The following FAM234B variants were observed in gnomAD, a reference collection of about 807,000 sequenced individuals.
FAM234B encodes the protein family with sequence similarity 234 member B.
In FAM234B, 33 loss-of-function variants were observed where a neutral mutation model predicts 69.3. That is an observed-to-expected ratio of 0.48 (90% CI 0.36 to 0.64). FAM234B has a LOEUF of 0.64. Among genes scored for constraint, FAM234B ranks in the 30% least tolerant of loss-of-function variants. The probability of loss-of-function intolerance (pLI) is 0.00; values close to 1 mark genes in which losing one functional copy is unlikely to be tolerated. For synonymous variants in FAM234B, 306 were observed against 306.9 expected (o/e 1.00, Z 0.03); for missense variants, 697 against 769.7 (o/e 0.91, Z 1.12).
In FAM234B at chr12:13,047,465, T is replaced by C. The variant is rs554319247; in HGVS notation, c.37+3025T>C. Reference sequence around the variant, plus strand: ...TGTATTGTATAGTATATGCACAGTATAGTGTATACTATAGTATAGTATATG... The same window carrying C: ...TGTATTGTATAGTATATGCACAGTACAGTGTATACTATAGTATAGTATATG... On this transcript the variant is annotated intron_variant, in intron 1 of 12. Coordinates refer to ENST00000197268, the MANE Select transcript of FAM234B (RefSeq NM_020853.2). 1.7e-3 allele frequency among the ~76,000 whole-genome samples: 259 copies of C among 152,306 alleles called. 1 individual carries two copies. Among genetic ancestry groups the C allele is most frequent in the African/African-American group, 6.2e-3 (256 of 41,582 alleles).
chr12:13,075,431 T>TTA (rs1231582363), intron 10 of FAM234B, among the ~76,000 whole-genome samples: 5 of 90,454 alleles, frequency 5.5e-5, no homozygotes, highest in Non-Finnish European at 9.1e-5. Flanking sequence ...TTCTTTTCTT[T>TTA]TCTTTTTTTT....
rs1251026965 is a variant in FAM234B, at chr12:13,071,318, C to T, written c.1446C>T (p.Ala482=). 1.2e-6 allele frequency: 2 copies of T among 1,614,134 alleles called. No individual in the cohort carries two copies. The highest frequency in any genetic ancestry group is 2.2e-5 in the South Asian group (2 of 91,086). ...RAPCHMKETP[A]TSAVTSDQKS... is the part of the protein sequence containing the mutation. ...CGTGTCACATGAAAGAAACGCCAGC[C>T]ACCTCAGCAGTTACTTCAGACCAGA... The change falls in exon 10 of 13, where the codon GCC becomes GCT. Residue 482 remains alanine (A), a synonymous_variant. Coordinates refer to ENST00000197268, the MANE Select transcript of FAM234B (RefSeq NM_020853.2).
At chr12:13,052,693 T>C (rs1168528401) in intron 1 of FAM234B, among the ~76,000 whole-genome samples, 2 of 151,654 alleles carry the variant, frequency 1.3e-5, no homozygotes, top group African/African-American at 2.4e-5. Flanking sequence ...TACACAGTAT[T>C]GCCTTTTTGT....
intron 3 of FAM234B, among the ~76,000 whole-genome samples, chr12:13,058,770 G>A (rs1458481578): frequency 2.2e-4 from 33 of 152,178 alleles, no homozygotes; most frequent in Admixed American, 2.0e-3. Context: ...AATTTTTAGT[G>A]GTGACCAGGC....
At chr12:13,074,252 A>G (rs921645354) in intron 10 of FAM234B, among the ~76,000 whole-genome samples, 8 of 152,194 alleles carry the variant, frequency 5.3e-5, no homozygotes, top group African/African-American at 1.9e-4. Context: ...TAATAAAATG[A>G]GGGTATTGGG....
intron 5 of FAM234B, among the ~76,000 whole-genome samples, chr12:13,066,147 A>G (rs2120482057): frequency 6.6e-6 from 1 of 152,350 alleles, no homozygotes; most frequent in South Asian, 2.1e-4. Flanking sequence ...AGGCTAAAAT[A>G]TATACTATTT....
chr12:13,075,629 T>A (rs1241417348), intron 10 of FAM234B, among the ~76,000 whole-genome samples: 5 of 114,656 alleles, frequency 4.4e-5, no homozygotes, highest in African/African-American at 1.2e-4. Flanking sequence ...TTTTTTTTTG[T>A]ATTTTCGGTA....
chr12:13,066,811 C>T, intron 6 of FAM234B, 24 bp downstream of exon 6: 16 of 1,604,590 alleles, frequency 1.0e-5, no homozygotes, highest in Non-Finnish European at 1.4e-5. Context: ...CTAGTTTTTG[C>T]TCCTGTTCCC....
chr12:13,078,744 AACAG>A (rs1363688270), intron 11 of FAM234B, among the ~76,000 whole-genome samples: 1 of 152,196 alleles, frequency 6.6e-6, no homozygotes, highest in African/African-American at 2.4e-5. Context: ...ATACACCAAT[AACAG>A]ACAAACAGAG....
Position 13,068,642 on chromosome 12 carries a change from TG to T in FAM234B, c.1301del (p.Gly434AspfsTer9). ...LQGLRSQPTP[G>X]YFTDDQTLDF... ...TCCTTATTTGCAGCCAGCCTACTCC[TG>T]GATATTTCACTGATGATCAGACATT... On this transcript the variant is annotated frameshift_variant, in exon 9 of 13. Transcript: ENST00000197268. LOFTEE classifies it high-confidence loss of function. 6.2e-7 allele frequency: 1 copy of T among 1,612,282 alleles called. No homozygotes were observed. Among genetic ancestry groups the T allele is most frequent in the African/African-American group, 1.3e-5 (1 of 75,006 alleles).
intron 11 of FAM234B, among the ~76,000 whole-genome samples, chr12:13,077,423 C>G (rs1393407758): frequency 8.1e-6 from 1 of 123,364 alleles, no homozygotes; most frequent in Non-Finnish European, 1.7e-5. Context: ...CTCCCCCCTC[C>G]CCCCCACCCC....
chr12:13,064,105 A>G (rs913186589), intron 5 of FAM234B, among the ~76,000 whole-genome samples: 1 of 152,182 alleles, frequency 6.6e-6, no homozygotes, highest in African/African-American at 2.4e-5. Context: ...CTAGCACACT[A>G]AACTCTCCCT....
chr12:13,050,721 GATAATA>G (rs528176096), intron 1 of FAM234B, among the ~76,000 whole-genome samples: 8 of 151,432 alleles, frequency 5.3e-5, no homozygotes, highest in East Asian at 1.9e-4. Context: ...TAAAATGGGG[GATAATA>G]ATAATAATAA....
At chr12:13,077,897 T>C (rs1865179803) in intron 11 of FAM234B, among the ~76,000 whole-genome samples, 1 of 152,188 alleles carries the variant, frequency 6.6e-6, no homozygotes, top group Non-Finnish European at 1.5e-5. Flanking sequence ...AGTGTAAAAG[T>C]ATTCCTATTT....
chr12:13,044,414 T>G lies in FAM234B; in HGVS notation c.11T>G (p.Val4Gly), dbSNP rs1318240185. Residue 4 changes from valine (V) to glycine (G), a missense_variant, in exon 1 of 13, where the codon GTG (valine) becomes GGG (glycine). Around this residue, in one of 3 missense-constraint regions of FAM234B, gnomAD observed 380 missense variants for 447.1 expected, o/e 0.85. Transcript: ENST00000197268. The surrounding 1 kb of genome is among the most constrained non-coding windows in gnomAD (Gnocchi z 5.6). MAT[V>G]LSRALKLPGK... ...ACCGGGGCCTCAGCCATGGCGACCG[T>G]GCTGTCCAGGGCGCTCAAGCTGCCG... is the stretch of plus-strand genomic sequence containing the variant. 3 of 1,551,730 alleles carry G rather than the reference T, an allele frequency of 1.9e-6. No homozygotes were observed. The African/African-American group carries it at 4.1e-5, about 21-fold the overall frequency.
At chr12:13,080,581 C>G in intron 12 of FAM234B, 44 bp from the exon 13 acceptor site, 8 of 1,541,732 alleles carry the variant, frequency 5.2e-6, no homozygotes, top group Non-Finnish European at 7.2e-6. Context: ...TTGAACATCT[C>G]TACCATGAAA....
Position 13,081,383 on chromosome 12 carries a change from C to A in FAM234B, c.*753C>A, listed in dbSNP as rs1053418327. On this transcript the variant is annotated 3_prime_UTR_variant, in exon 13 of 13. Transcript: ENST00000197268. ...CTCAGTGACCCATCTCTGACCAAGT[C>A]CACATGTTGTGTTATATGTGGCTCT... 6.6e-6 allele frequency: 1 copy of A among 152,284 alleles called. No individual in the cohort carries two copies. Among genetic ancestry groups the A allele is most frequent in the Non-Finnish European group, 1.5e-5 (1 of 68,054 alleles). The allele number at this position is 152,284 out of a possible 1,614,324, so 9.4% of individuals were successfully genotyped here. A position where few individuals can be genotyped will look rare whatever the true frequency, so the allele number is the denominator to read the frequency against.
chr12:13,062,917 C>T lies in FAM234B; in HGVS notation c.794C>T (p.Pro265Leu). 6.2e-7 allele frequency: 1 copy of T among 1,614,092 alleles called. No homozygotes were observed. The highest frequency in any genetic ancestry group is 2.2e-5 in the East Asian group (1 of 44,892). The change falls in exon 5 of 13, where the codon CCA becomes CTA. Residue 265 changes from proline (P) to leucine (L), a missense_variant. Physicochemically the swap from Pro to Leu is moderately conservative, Grantham distance 98. This residue lies in a region of FAM234B where 380 missense variants were observed against 447.1 expected (regional missense o/e 0.85). Coordinates refer to ENST00000197268, the MANE Select transcript of FAM234B (RefSeq NM_020853.2). ...GTLAAPVVVL[P>L]DLDEDGVRDL... ...TTGGCTGCCCCAGTTGTGGTACTGCCAGACTTGGATGAAGACGGTGTTCGA... is the reference window on the plus strand; with the variant it reads ...TTGGCTGCCCCAGTTGTGGTACTGCTAGACTTGGATGAAGACGGTGTTCGA...
intron 12 of FAM234B, 82 bp from the exon 13 acceptor site, chr12:13,080,543 T>A: frequency 8.7e-7 from 1 of 1,143,486 alleles, no homozygotes. Context: ...TAGAGAAATA[T>A]TCTGACCTTT....
Sources: allele counts gnomAD v4.1 joint callset (sites outside exome capture counted in the v4.1 genomes callset), GRCh38; gene constraint gnomAD v4.1.1; regional missense constraint gnomAD v4.1.1; non-coding constraint Gnocchi (gnomAD v3.1); transcripts MANE v1.5; gene names NCBI Gene and HGNC (gene_info 2026-07-23, HGNC 2026-07-21).